The following RARB variants were observed in gnomAD, a reference collection of about 807,000 sequenced individuals.
The protein encoded by RARB is retinoic acid receptor beta, also known as HBV-activated protein.
RARB carries 17 observed loss-of-function variants against 51.9 expected under a neutral mutation model. The observed-to-expected ratio is 0.33, with a 90% CI of 0.22 to 0.49. The LOEUF is 0.49. Ranked by LOEUF, RARB falls within the 20% of genes least tolerant of loss-of-function variation. The pLI is 0.99. For synonymous variants in RARB, 215 were observed against 195.4 expected (o/e 1.10, Z -0.84); for missense variants, 369 against 550.8 (o/e 0.67, Z 3.30).
chr3:25,282,110 T>C (rs1242252415), intron 5 of RARB, among the ~76,000 whole-genome samples: 1 of 152,170 alleles, frequency 6.6e-6, no homozygotes, highest in Non-Finnish European at 1.5e-5. Flanking sequence ...AGAGAGAACA[T>C]TGTAGTTGTT....
chr3:25,232,528 G>A (rs1031337709), intron 5 of RARB, among the ~76,000 whole-genome samples: 6 of 151,788 alleles, frequency 4.0e-5, no homozygotes, highest in Admixed American at 6.6e-5. Context: ...ATTTATTTAG[G>A]GTTTTTTTAT....
intron 5 of RARB, among the ~76,000 whole-genome samples, chr3:25,212,024 T>C (rs1701711260): frequency 6.6e-6 from 1 of 152,230 alleles, no homozygotes; most frequent in African/African-American, 2.4e-5. Context: ...AATTTCACTT[T>C]GTTTGGCTGG....
chr3:24,926,454 G>A (rs548189657), intron 2 of RARB, among the ~76,000 whole-genome samples: 42 of 152,110 alleles, frequency 2.8e-4, no homozygotes, highest in African/African-American at 9.4e-4. Flanking sequence ...TTGTTGACCC[G>A]CAAATACATC....
At chr3:25,269,153 A>C (rs1283689960) in intron 5 of RARB, among the ~76,000 whole-genome samples, 1 of 152,210 alleles carries the variant, frequency 6.6e-6, no homozygotes. Context: ...TATGTGCCAA[A>C]ATATGTCTCA....
intron 2 of RARB, among the ~76,000 whole-genome samples, chr3:25,487,742 GT>G (rs1248174080): frequency 6.6e-6 from 1 of 152,152 alleles, no homozygotes; most frequent in Non-Finnish European, 1.5e-5. Context: ...ACACCTTTCT[GT>G]TTTCTTGGCA....
chr3:25,591,895 T>G (rs1363948554), intron 5 of RARB, among the ~76,000 whole-genome samples: 1 of 152,142 alleles, frequency 6.6e-6, no homozygotes, highest in Non-Finnish European at 1.5e-5. Flanking sequence ...ACTGCCTTCT[T>G]GGAGATTTAG....
Position 25,200,584 on chromosome 3 carries a change from G to T in RARB, c.178+26009G>T, listed in dbSNP as rs183004806. Among the ~76,000 whole-genome samples, 912 of 152,034 alleles carry T rather than the reference G, an allele frequency of 6.0e-3. 17 individuals carry two copies. The highest frequency in any genetic ancestry group is 0.029 in the East Asian group (149 of 5,152). On this transcript the variant is annotated intron_variant, in intron 5 of 11. Coordinates refer to the RARB transcript ENST00000383772. ...GGTTTTTATGGTTTAGGTCTAACAT[G>T]TAAGTCTTTAATCCATCTTGAATTA...
At chr3:24,941,610 C>T (rs747250110) in intron 2 of RARB, among the ~76,000 whole-genome samples, 23 of 152,152 alleles carry the variant, frequency 1.5e-4, no homozygotes, top group Admixed American at 1.0e-3. Context: ...CCTTGTGATC[C>T]GCCCACCTCA....
chr3:25,333,962 T>A (rs1448082529), intron 5 of RARB, among the ~76,000 whole-genome samples: 7 of 152,094 alleles, frequency 4.6e-5, no homozygotes, highest in Non-Finnish European at 1.0e-4. Context: ...GAAATGCAGA[T>A]CAAAACCACA....
intron 4 of RARB, among the ~76,000 whole-genome samples, chr3:25,142,414 C>G (rs1321479930): frequency 1.3e-5 from 2 of 152,144 alleles, no homozygotes; most frequent in Non-Finnish European, 2.9e-5. Context: ...ACAAGACCCC[C>G]AAGTGGCTGG....
At chr3:25,167,504 A>G (rs757465101) in intron 4 of RARB, among the ~76,000 whole-genome samples, 2 of 152,222 alleles carry the variant, frequency 1.3e-5, no homozygotes, top group African/African-American at 2.4e-5. Flanking sequence ...AGGAGATACT[A>G]GCAGTGGAAT....
intron 1 of RARB, among the ~76,000 whole-genome samples, chr3:25,430,913 A>G (rs947260447): frequency 1.3e-5 from 2 of 149,230 alleles, no homozygotes; most frequent in Admixed American, 6.7e-5. Context: ...GAGTTGCTTT[A>G]CCCTCATAAA....
intron 5 of RARB, among the ~76,000 whole-genome samples, chr3:25,369,962 A>G (rs1706248696): frequency 2.0e-5 from 3 of 152,194 alleles, no homozygotes; most frequent in Admixed American, 6.5e-5. Context: ...TGGAATAGTG[A>G]TAAATTGGAA....
intron 5 of RARB, among the ~76,000 whole-genome samples, chr3:25,335,263 T>G (rs112683576): frequency 0.062 from 9,215 of 149,016 alleles, 295 homozygotes; most frequent in African/African-American, 0.086. Context: ...CACTCTCTTA[T>G]GTCTCTCATG....
At chr3:25,003,965 T>C (rs1372058495) in intron 2 of RARB, among the ~76,000 whole-genome samples, 1 of 152,170 alleles carries the variant, frequency 6.6e-6, no homozygotes, top group African/African-American at 2.4e-5. Context: ...ATGCAGGTCA[T>C]GCATAATAGC....
intron 2 of RARB, among the ~76,000 whole-genome samples, chr3:24,966,363 G>A (rs1197315129): frequency 6.6e-6 from 1 of 152,044 alleles, no homozygotes; most frequent in Admixed American, 6.6e-5. Flanking sequence ...AATGAAAGAA[G>A]GAGGTGAGTA....
chr3:24,979,766 C>G (rs1278145596), intron 2 of RARB, among the ~76,000 whole-genome samples: 1 of 152,036 alleles, frequency 6.6e-6, no homozygotes, highest in Non-Finnish European at 1.5e-5. Context: ...ACATTTAACC[C>G]ATTTTCATTT....
intron 5 of RARB, among the ~76,000 whole-genome samples, chr3:25,233,622 T>C (rs1397499737): frequency 2.6e-5 from 4 of 152,136 alleles, no homozygotes; most frequent in Non-Finnish European, 5.9e-5. Context: ...GTTCCTGATA[T>C]CAGAAAAAAT....
At chr3:24,902,223 A>G (rs946754083) in intron 2 of RARB, among the ~76,000 whole-genome samples, 1 of 152,182 alleles carries the variant, frequency 6.6e-6, no homozygotes, top group Non-Finnish European at 1.5e-5. Context: ...ACGTGTCCCT[A>G]GAGATCTACT....
Sources: allele counts gnomAD v4.1 joint callset (sites outside exome capture counted in the v4.1 genomes callset), GRCh38; gene constraint gnomAD v4.1.1; transcripts MANE v1.5; gene names NCBI Gene and HGNC (gene_info 2026-07-23, HGNC 2026-07-21).